Variants in SYT16 observed in about 807,000 individuals in gnomAD.
SYT16 encodes the protein synaptotagmin-16.
SYT16 carries 42 observed loss-of-function variants against 61.4 expected under a neutral mutation model. The ratio of observed to expected loss-of-function variants is 0.68; its 90% CI spans 0.53 to 0.89. SYT16 has a LOEUF of 0.89. Ranked by LOEUF, SYT16 falls within the 40% of genes least tolerant of loss-of-function variation. The pLI, the probability that SYT16 is intolerant of heterozygous loss-of-function variation, is 0.00. For missense variants in SYT16, 804 were observed against 807.3 expected (o/e 1.00, Z 0.05); for synonymous variants, 314 against 302.3 (o/e 1.04, Z -0.40).
At chr14:62,064,334 G>GAAAAAAAAAAAAAAAAAAAAAA (rs781727444) in intron 3 of SYT16, among the ~76,000 whole-genome samples, 1 of 42,986 alleles carries the variant, frequency 2.3e-5, no homozygotes, top group African/African-American at 8.3e-5. Context: ...CTTTAAATTT[G>GAAAAAAAAAAAAAAAAAAAAAA]AAAAAAAAAA....
intron 1 of SYT16, among the ~76,000 whole-genome samples, chr14:61,902,006 A>G (rs530385597): frequency 5.7e-4 from 86 of 152,070 alleles, no homozygotes; most frequent in African/African-American, 1.6e-3. Context: ...CAGGTGATCC[A>G]CCTACCTTGG....
chr14:61,878,199 G>T (rs2047567183), intron 1 of SYT16, among the ~76,000 whole-genome samples: 2 of 152,206 alleles, frequency 1.3e-5, no homozygotes, highest in South Asian at 4.1e-4. Flanking sequence ...AAGAAAAAAA[G>T]TCATTATATT....
intron 3 of SYT16, among the ~76,000 whole-genome samples, chr14:62,035,028 C>A (rs151137542): frequency 6.6e-6 from 1 of 152,252 alleles, no homozygotes; most frequent in Non-Finnish European, 1.5e-5. Flanking sequence ...GTGTGACAGA[C>A]AGTATTGTCT....
intron 1 of SYT16, among the ~76,000 whole-genome samples, chr14:61,875,686 C>CT (rs1238874541): frequency 3.9e-5 from 6 of 152,190 alleles, no homozygotes; most frequent in Non-Finnish European, 8.8e-5. Flanking sequence ...GTGGATACTC[C>CT]TGTTACTGCA....
intron 3 of SYT16, among the ~76,000 whole-genome samples, chr14:62,051,906 C>G (rs546013408): frequency 3.9e-4 from 59 of 152,240 alleles, no homozygotes; most frequent in African/African-American, 1.3e-3. Flanking sequence ...GTGGCACACA[C>G]CTGTAGTCTC....
chr14:61,988,024 G>A (rs890572098), intron 2 of SYT16, among the ~76,000 whole-genome samples: 1 of 151,976 alleles, frequency 6.6e-6, no homozygotes. Context: ...TCTGCATTTT[G>A]CCTTCTTCAA....
intron 5 of SYT16, among the ~76,000 whole-genome samples, chr14:62,076,301 A>G (rs1354073381): frequency 1.3e-5 from 2 of 152,218 alleles, no homozygotes; most frequent in Admixed American, 6.5e-5. Context: ...AGTCATATAC[A>G]TATATAAACC....
At chr14:61,832,279 C>T in intron 1 of SYT16, 2 of 594,720 alleles carry the variant, frequency 3.4e-6, no homozygotes, top group South Asian at 1.4e-5. Context: ...GCATAGTCAT[C>T]GCTCTTCACA....
At chr14:61,926,384 A>G (rs1242307357) in intron 1 of SYT16, among the ~76,000 whole-genome samples, 3 of 152,166 alleles carry the variant, frequency 2.0e-5, no homozygotes, top group Non-Finnish European at 4.4e-5. Flanking sequence ...CTTCTCTGCA[A>G]CACCCTTAGC....
chr14:61,968,295 T>C (rs2051401583), intron 1 of SYT16, among the ~76,000 whole-genome samples: 1 of 152,040 alleles, frequency 6.6e-6, no homozygotes, highest in African/African-American at 2.4e-5. Context: ...AGAAAATACT[T>C]TGAAGATGGT....
chr14:62,090,527 C>T (rs1049336375), intron 7 of SYT16, among the ~76,000 whole-genome samples: 4 of 152,126 alleles, frequency 2.6e-5, no homozygotes, highest in African/African-American at 4.8e-5. Context: ...CTTTTAGAAT[C>T]CTGGTCCAGT....
chr14:61,894,539 C>T (rs147425517), intron 1 of SYT16, among the ~76,000 whole-genome samples: 2 of 152,262 alleles, frequency 1.3e-5, no homozygotes, highest in African/African-American at 2.4e-5. Context: ...AACTCCCACA[C>T]AGAAGGTGAA....
chr14:62,004,033 T>C (rs2140667476), intron 3 of SYT16, among the ~76,000 whole-genome samples: 1 of 152,292 alleles, frequency 6.6e-6, no homozygotes, highest in African/African-American at 2.4e-5. Context: ...GGAAGGTCTT[T>C]GGTTTTTGTG....
chr14:62,083,560 G>A (rs1475221609), intron 6 of SYT16, among the ~76,000 whole-genome samples: 1 of 152,212 alleles, frequency 6.6e-6, no homozygotes, highest in Non-Finnish European at 1.5e-5. Context: ...CCAGGTCGCT[G>A]AGACCCACAA....
intron 3 of SYT16, among the ~76,000 whole-genome samples, chr14:62,013,097 T>G (rs1489460598): frequency 6.6e-6 from 1 of 152,250 alleles, no homozygotes; most frequent in Non-Finnish European, 1.5e-5. Context: ...TAACTTATGG[T>G]AGACTTTTTA....
At chr14:61,951,914 C>T (rs944379305) in intron 1 of SYT16, among the ~76,000 whole-genome samples, 7 of 152,046 alleles carry the variant, frequency 4.6e-5, no homozygotes, top group East Asian at 3.9e-4. Flanking sequence ...CTCTGCCTCC[C>T]GAATAGCTGG....
In SYT16 at chr14:61,860,937, G is replaced by A. The variant is rs958648420; in HGVS notation, c.-325+48127G>A. ...GTGAGGTGTACGGAGACTGACCATG[G>A]CATTTTAAGCTGGGGGAAGAAGAAA... is the stretch of plus-strand genomic sequence containing the variant. On this transcript the variant is annotated intron_variant, in intron 1 of 7. Coordinates refer to ENST00000683842, the MANE Select transcript of SYT16 (RefSeq NM_001367656.1). Among the ~76,000 whole-genome samples, 3 of 152,166 alleles carry A rather than the reference G, an allele frequency of 2.0e-5. No homozygotes were observed. The South Asian group carries it at 6.2e-4, about 32-fold the overall frequency.
At chr14:61,957,455 G>C (rs528896689) in intron 1 of SYT16, among the ~76,000 whole-genome samples, 24 of 151,976 alleles carry the variant, frequency 1.6e-4, no homozygotes, top group African/African-American at 5.1e-4. Flanking sequence ...TGAATAAGTG[G>C]CCCTGATTTT....
At chr14:61,955,628 T>C (rs557683763) in intron 1 of SYT16, among the ~76,000 whole-genome samples, 1 of 152,238 alleles carries the variant, frequency 6.6e-6, no homozygotes, top group African/African-American at 2.4e-5. Flanking sequence ...GATTTCTTTT[T>C]TTTAAGGCTG....
Sources: allele counts gnomAD v4.1 joint callset (sites outside exome capture counted in the v4.1 genomes callset), GRCh38; gene constraint gnomAD v4.1.1; transcripts MANE v1.5; gene names NCBI Gene and HGNC (gene_info 2026-07-23, HGNC 2026-07-21).